Variants in SH3RF3 observed in about 807,000 individuals in gnomAD.
SH3RF3 encodes E3 ubiquitin-protein ligase SH3RF3.
In SH3RF3, 29 loss-of-function variants were observed where a neutral mutation model predicts 66.3. That is an observed-to-expected ratio of 0.44 (90% CI 0.33 to 0.60). The LOEUF is 0.60. Ranked by LOEUF, SH3RF3 falls within the 20% of genes least tolerant of loss-of-function variation. SH3RF3 has a pLI of 0.04. For missense variants in SH3RF3, 1,194 were observed against 1,190.9 expected, an observed-to-expected ratio of 1.00 and a Z score of -0.04; for synonymous variants, 583 against 532.0, an observed-to-expected ratio of 1.10 and a Z score of -1.32.
chr2:109,484,067 C>CTTT (rs562496561), intron 8 of SH3RF3, among the ~76,000 whole-genome samples: 1 of 94,328 alleles, frequency 1.1e-5, no homozygotes. Flanking sequence ...TCTGGCCTTT[C>CTTT]TTTTTTTTTT....
In SH3RF3 at chr2:109,469,212, G is replaced by A. The variant is rs75017223; in HGVS notation, c.2148+19723G>A. The stretch of plus-strand genomic sequence containing the variant: ...AGCGTATTTCTTCTGTGCATTGTGC[G>A]CTATCCCAGAATATTCCTGGATGAG... On this transcript the variant is annotated intron_variant, in intron 8 of 9. Coordinates refer to ENST00000309415, the MANE Select transcript of SH3RF3 (RefSeq NM_001099289.3). Among the ~76,000 whole-genome samples the A allele has an allele frequency of 9.0e-3, 1,373 of 152,354 alleles. 11 individuals are homozygous for A. Among genetic ancestry groups the A allele is most frequent in the Non-Finnish European group, 0.015 (996 of 68,036 alleles).
At chr2:109,396,763 G>T (rs926890418) in intron 3 of SH3RF3, among the ~76,000 whole-genome samples, 12 of 152,216 alleles carry the variant, frequency 7.9e-5, no homozygotes, top group Non-Finnish European at 1.5e-4. Flanking sequence ...CAAGGGCTTA[G>T]CCTATATCCT....
chr2:109,141,859 C>T (rs906357826), intron 1 of SH3RF3, among the ~76,000 whole-genome samples: 1 of 152,066 alleles, frequency 6.6e-6, no homozygotes, highest in African/African-American at 2.4e-5. Flanking sequence ...ACCCATGGGA[C>T]CCCCCAGATG....
intron 9 of SH3RF3, among the ~76,000 whole-genome samples, chr2:109,501,196 G>A (rs1679375123): frequency 6.6e-6 from 1 of 152,166 alleles, no homozygotes; most frequent in South Asian, 2.1e-4. Flanking sequence ...GGCCAGGGCA[G>A]GAGCGTGGAT....
intron 5 of SH3RF3, among the ~76,000 whole-genome samples, chr2:109,428,078 G>A (rs1173214157): frequency 6.6e-6 from 1 of 152,226 alleles, no homozygotes; most frequent in African/African-American, 2.4e-5. Flanking sequence ...CCTGCTGTGG[G>A]TCTTCCCTGC....
At chr2:109,224,908 A>G (rs1015696681) in intron 1 of SH3RF3, among the ~76,000 whole-genome samples, 2 of 152,238 alleles carry the variant, frequency 1.3e-5, no homozygotes, top group Non-Finnish European at 2.9e-5. Context: ...AAATTTAAAT[A>G]ATTACCTGTG....
chr2:109,129,791 G>A lies in SH3RF3; in HGVS notation c.251G>A (p.Ser84Asn), dbSNP rs752721785. ...ACTTTCTGCCGCCGCTGCCTGGAGAGCATCGTGTGCTCGCGCCACGAGCTG... is the reference window on the plus strand; with the variant it reads ...ACTTTCTGCCGCCGCTGCCTGGAGAACATCGTGTGCTCGCGCCACGAGCTG... ...QHTFCRRCLE[S>N]IVCSRHELRC... The change falls in exon 1 of 10, where the codon AGC becomes AAC. Residue 84 changes from serine to asparagine, a missense_variant. Transcript: ENST00000309415. 4.0e-5 allele frequency: 61 copies of A among 1,539,120 alleles called. No homozygotes were observed. The highest frequency in any genetic ancestry group is 5.2e-5 in the Non-Finnish European group (60 of 1,145,434).
rs373682981 is a variant in SH3RF3, at chr2:109,346,182, A to AT, written c.574-1482dup. Among the ~76,000 whole-genome samples the AT allele has an allele frequency of 8.7e-3, 1,302 of 150,214 alleles. 13 individuals are homozygous for AT. The highest frequency in any genetic ancestry group is 0.03 in the African/African-American group (1,225 of 40,870). ...AATGAGTATTATTGGAAGCAAACGG[A>AT]TTTTTTTTTTCTCTTCGAGTTCTGC... On this transcript the variant is annotated intron_variant, in intron 1 of 9. Transcript: ENST00000309415.
intron 1 of SH3RF3, among the ~76,000 whole-genome samples, chr2:109,243,881 A>G (rs1679848368): frequency 6.6e-6 from 1 of 152,158 alleles, no homozygotes; most frequent in Admixed American, 6.5e-5. Context: ...GAGTGAGTAA[A>G]TAGATGAGTG....
intron 4 of SH3RF3, among the ~76,000 whole-genome samples, chr2:109,408,751 C>T (rs887843279): frequency 6.6e-6 from 1 of 152,250 alleles, no homozygotes; most frequent in Admixed American, 6.5e-5. Flanking sequence ...GTAAAGGAGG[C>T]ACTTTCTGTT....
intron 1 of SH3RF3, among the ~76,000 whole-genome samples, chr2:109,137,761 C>T (rs1486405908): frequency 7.2e-5 from 11 of 152,192 alleles, no homozygotes; most frequent in African/African-American, 1.7e-4. Flanking sequence ...CCTGATCAGC[C>T]GTTGTTTTTG....
chr2:109,293,930 G>A (rs935671755), intron 1 of SH3RF3, among the ~76,000 whole-genome samples: 5 of 152,152 alleles, frequency 3.3e-5, no homozygotes, highest in South Asian at 4.1e-4. Context: ...ACCAATGGCC[G>A]GCGCCCTCCT....
chr2:109,410,293 G>A (rs1455554621), intron 4 of SH3RF3, among the ~76,000 whole-genome samples: 4 of 152,340 alleles, frequency 2.6e-5, no homozygotes, highest in Middle Eastern at 3.4e-3. Context: ...CAGCTCCAGC[G>A]CTGTGTGCCA....
rs1025954857 is a variant in SH3RF3, at chr2:109,193,179, TGGAATCAG to T, written c.573+63069_573+63076del. Among the ~76,000 whole-genome samples, 15 of 152,348 alleles carry T rather than the reference TGGAATCAG, an allele frequency of 9.8e-5. 1 individual carries two copies. The East Asian group carries it at 2.5e-3, about 25-fold the overall frequency. ...CAGAGGTCTCACATTTTAAGAGAAC[TGGAATCAG>T]GGCAAATTGTCTGCCCTTCCTGGGA... On this transcript the variant is annotated intron_variant, in intron 1 of 9. Coordinates refer to ENST00000309415, the MANE Select transcript of SH3RF3 (RefSeq NM_001099289.3).
intron 1 of SH3RF3, among the ~76,000 whole-genome samples, chr2:109,239,940 A>C (rs1007880210): frequency 8.5e-5 from 13 of 152,364 alleles, no homozygotes; most frequent in Non-Finnish European, 1.5e-4. Context: ...GACTGATAGC[A>C]AAATGTGCTC....
chr2:109,248,501 T>G (rs1679974349), intron 1 of SH3RF3, among the ~76,000 whole-genome samples: 1 of 152,250 alleles, frequency 6.6e-6, no homozygotes, highest in Admixed American at 6.5e-5. Flanking sequence ...GCTCTGCAAG[T>G]GGCATTTTCC....
chr2:109,133,760 C>T (rs1241884477), intron 1 of SH3RF3, among the ~76,000 whole-genome samples: 3 of 147,484 alleles, frequency 2.0e-5, no homozygotes, highest in African/African-American at 7.5e-5. Flanking sequence ...ACTTCTTTCC[C>T]TGTTACAGAC....
intron 6 of SH3RF3, 59 bp downstream of exon 6, chr2:109,432,730 C>G (rs543925720): frequency 5.8e-6 from 9 of 1,551,246 alleles, no homozygotes; most frequent in Non-Finnish European, 7.8e-6. Flanking sequence ...CACGCCTTAC[C>G]GCTGTTGTTA....
At chr2:109,270,424 G>A (rs756558386) in intron 1 of SH3RF3, among the ~76,000 whole-genome samples, 9 of 152,202 alleles carry the variant, frequency 5.9e-5, no homozygotes, top group Non-Finnish European at 1.2e-4. Flanking sequence ...GAGGGTGCCT[G>A]CAGCTGCCAC....
Sources: allele counts gnomAD v4.1 joint callset (sites outside exome capture counted in the v4.1 genomes callset), GRCh38; gene constraint gnomAD v4.1.1; transcripts MANE v1.5; gene names NCBI Gene and HGNC (gene_info 2026-07-23, HGNC 2026-07-21).